JAM3: variants seen among roughly 807,000 people sequenced by gnomAD.
JAM3 encodes junctional adhesion molecule 3.
JAM3 carries 31 observed loss-of-function variants against 39.4 expected under a neutral mutation model. That is an observed-to-expected ratio of 0.79 (90% confidence interval 0.59 to 1.06). The LOEUF (loss-of-function observed/expected upper bound fraction) is 1.06, where lower values mean the gene tolerates loss of function less well. JAM3 is among the 50% of genes least tolerant of loss of function. The pLI is 0.00. For synonymous variants in JAM3, 182 were observed against 148.7 expected (o/e 1.22, Z -1.63); for missense variants, 455 against 391.4 (o/e 1.16, Z -1.37).
intron 1 of JAM3, among the ~76,000 whole-genome samples, chr11:134,124,953 C>T (rs1052533227): frequency 2.0e-5 from 3 of 152,230 alleles, no homozygotes; most frequent in Non-Finnish European, 4.4e-5. Flanking sequence ...AGCGAGGAGG[C>T]GCCCCTCTCC....
chr11:134,148,087 G>C (rs775671804), intron 6 of JAM3: 46 of 224,168 alleles, frequency 2.1e-4, no homozygotes, highest in Admixed American at 1.5e-3. Context: ...TTCTTTACTT[G>C]TTTGTTTTTT....
intron 1 of JAM3, among the ~76,000 whole-genome samples, chr11:134,071,887 C>T (rs544904451): frequency 1.3e-5 from 2 of 152,286 alleles, no homozygotes; most frequent in Admixed American, 6.5e-5. Flanking sequence ...ATATCAGCTG[C>T]TCATTCCCAC....
chr11:134,106,764 C>G (rs937327012), intron 1 of JAM3, among the ~76,000 whole-genome samples: 2 of 152,202 alleles, frequency 1.3e-5, no homozygotes, highest in African/African-American at 4.8e-5. Context: ...GATAAATGCA[C>G]ATCAAAACCA....
intron 1 of JAM3, among the ~76,000 whole-genome samples, chr11:134,112,630 C>T (rs1324314469): frequency 1.3e-5 from 2 of 152,182 alleles, no homozygotes; most frequent in Admixed American, 1.3e-4. Context: ...TTAACATATT[C>T]CTCCCAACAA....
At chr11:134,076,829 A>G (rs1271669) in intron 1 of JAM3, among the ~76,000 whole-genome samples, 54,314 of 124,560 alleles carry the variant, frequency 0.44, 11,565 homozygotes, top group African/African-American at 0.61. Context: ...ACTAACATCT[A>G]TTGCTTTTTT....
chr11:134,149,160 C>A lies in JAM3; in HGVS notation c.912C>A (p.His304Gln), dbSNP rs149162193. The A allele has an allele frequency of 1.2e-6, 2 of 1,613,910 alleles. No individual in the cohort carries two copies. Among genetic ancestry groups the A allele is most frequent in the African/African-American group, 1.3e-5 (1 of 74,934 alleles). Residue 304 changes from histidine (H) to glutamine (Q), a missense_variant, in exon 9 of 9, where the codon CAC (histidine) becomes CAA (glutamine). Transcript: ENST00000299106. ...TGGCTTTGCAGGGCGACTTCAGACACAAGTCATCGTTTGTGATCTGAGACC... is the reference window on the plus strand; with the variant it reads ...TGGCTTTGCAGGGCGACTTCAGACAAAAGTCATCGTTTGTGATCTGAGACC... The part of the protein sequence containing the change: ...IRTDEEGDFR[H>Q]KSSFVI
chr11:134,132,623 A>G (rs1163640574), intron 1 of JAM3, among the ~76,000 whole-genome samples: 1 of 152,190 alleles, frequency 6.6e-6, no homozygotes, highest in South Asian at 2.1e-4. Flanking sequence ...GACTCTGGTA[A>G]GACAATTTCT....
At chr11:134,118,828 C>G (rs1465667889) in intron 1 of JAM3, among the ~76,000 whole-genome samples, 1 of 152,146 alleles carries the variant, frequency 6.6e-6, no homozygotes. Context: ...AAAAGCCTTT[C>G]AATTGGAGAT....
intron 1 of JAM3, among the ~76,000 whole-genome samples, chr11:134,078,434 A>G (rs1182337233): frequency 1.3e-5 from 2 of 152,188 alleles, no homozygotes; most frequent in East Asian, 3.9e-4. Flanking sequence ...GAAGTGTTAA[A>G]ATGACCCTTT....
At chr11:134,106,916 C>A (rs1476401271) in intron 1 of JAM3, among the ~76,000 whole-genome samples, 1 of 152,178 alleles carries the variant, frequency 6.6e-6, no homozygotes, top group African/African-American at 2.4e-5. Context: ...TTGTGGAAGA[C>A]AGTGTGGCGA....
chr11:134,102,845 A>C (rs1021936762), intron 1 of JAM3, among the ~76,000 whole-genome samples: 1 of 152,234 alleles, frequency 6.6e-6, no homozygotes, highest in Non-Finnish European at 1.5e-5. Flanking sequence ...ACAACCTCCA[A>C]GAAATATGGG....
intron 1 of JAM3, among the ~76,000 whole-genome samples, chr11:134,069,740 G>T (rs1941458897): frequency 6.6e-6 from 1 of 152,206 alleles, no homozygotes; most frequent in African/African-American, 2.4e-5. Context: ...GACGGTGAGC[G>T]GGGGACGTAG....
chr11:134,123,811 T>C, intron 1 of JAM3: 1 of 753,970 alleles, frequency 1.3e-6, no homozygotes, highest in South Asian at 1.4e-5. Context: ...TGAGCCTTCA[T>C]TTACATTTCT....
In JAM3 at chr11:134,150,106, C is replaced by G. The variant is rs1169435986; in HGVS notation, c.*925C>G. ...TATCAATAATTAAGAGTATTTTACC[C>G]AAGGAATCCTCTCATGGAAGTTTAC... On this transcript the variant is annotated 3_prime_UTR_variant, in exon 9 of 9. Coordinates refer to ENST00000299106, the MANE Select transcript of JAM3 (RefSeq NM_032801.5). 6.5e-6 allele frequency: 1 copy of G among 154,762 alleles called. No homozygotes were observed. Among genetic ancestry groups the G allele is most frequent in the Non-Finnish European group, 1.4e-5 (1 of 69,908 alleles). 9.6% of individuals were successfully genotyped at this position (154,762 alleles called of 1,614,324 possible).
At chr11:134,118,449 A>G (rs1050192891) in intron 1 of JAM3, among the ~76,000 whole-genome samples, 20 of 152,262 alleles carry the variant, frequency 1.3e-4, no homozygotes, top group African/African-American at 4.8e-4. Flanking sequence ...TCCTTTGCAC[A>G]GGTTCTCCCT....
chr11:134,131,853 A>C (rs1439536000), intron 1 of JAM3, among the ~76,000 whole-genome samples: 1 of 152,234 alleles, frequency 6.6e-6, no homozygotes, highest in Non-Finnish European at 1.5e-5. Flanking sequence ...AGAAGAAAGA[A>C]CTAGCAAAGT....
At chr11:134,134,422 A>AAAAAC (rs1942826122) in intron 1 of JAM3, among the ~76,000 whole-genome samples, 4 of 142,788 alleles carry the variant, frequency 2.8e-5, no homozygotes, top group African/African-American at 8.0e-5. Context: ...AAAAAAAAAA[A>AAAAAC]CATCTAGGCA....
chr11:134,148,954 TAACACA>T lies in JAM3; in HGVS notation c.897+137_897+142del, dbSNP rs1420697121. The stretch of plus-strand genomic sequence containing the variant: ...CCTGAGCTCCTCAGCCCCTTCACAG[TAACACA>T]CACACACACACACACACACACACAC... On this transcript the variant is annotated intron_variant, in intron 8 of 8. Coordinates refer to ENST00000299106, the MANE Select transcript of JAM3 (RefSeq NM_032801.5). 2.8e-3 allele frequency: 2,134 copies of T among 762,988 alleles called. 22 individuals carry two copies. The African/African-American group carries it at 0.031, about 11-fold the overall frequency. 47.3% of individuals were successfully genotyped at this position (762,988 alleles called of 1,614,324 possible).
At chr11:134,117,978 C>CAT (rs1942469036) in intron 1 of JAM3, among the ~76,000 whole-genome samples, 1 of 152,130 alleles carries the variant, frequency 6.6e-6, no homozygotes, top group South Asian at 2.1e-4. Context: ...TTTTTTGTAG[C>CAT]ATATGAGAGC....
Sources: gnomAD v4.1 joint callset for allele counts (sites outside exome capture counted in the v4.1 genomes callset) on GRCh38, gnomAD v4.1.1 for gene constraint, MANE v1.5 for transcripts, NCBI Gene and HGNC (gene_info 2026-07-23, HGNC 2026-07-21) for gene names.